The following NAALADL2 variants were observed in gnomAD, a reference collection of about 807,000 sequenced individuals.
The protein encoded by NAALADL2 is inactive N-acetylated-alpha-linked acidic dipeptidase-like protein 2.
A neutral mutation model predicts 87.2 loss-of-function variants in NAALADL2; 76 were observed. The ratio of observed to expected loss-of-function variants is 0.87; its 90% CI spans 0.72 to 1.05. The LOEUF (loss-of-function observed/expected upper bound fraction) is 1.05. Among genes scored for constraint, NAALADL2 ranks in the 50% least tolerant of loss-of-function variants. The pLI is 0.00. For missense variants in NAALADL2, 1,089 were observed against 945.8 expected (o/e 1.15, Z -1.99); for synonymous variants, 354 against 331.0 (o/e 1.07, Z -0.75).
At chr3:174,753,284 C>T (rs776123994) in intron 3 of NAALADL2, among the ~76,000 whole-genome samples, 1 of 152,198 alleles carries the variant, frequency 6.6e-6, no homozygotes, top group African/African-American at 2.4e-5. Context: ...CCCCATTGGC[C>T]TGGCTGGTCT....
intron 3 of NAALADL2, among the ~76,000 whole-genome samples, chr3:174,784,639 C>T (rs925663974): frequency 2.0e-5 from 3 of 152,136 alleles, no homozygotes; most frequent in African/African-American, 7.2e-5. Context: ...TTAGTAAATA[C>T]TGGAGGGTTC....
chr3:175,054,410 G>T (rs1038548212), intron 1 of NAALADL2, among the ~76,000 whole-genome samples: 1 of 152,160 alleles, frequency 6.6e-6, no homozygotes, highest in African/African-American at 2.4e-5. Flanking sequence ...GCAGGAGAAG[G>T]CAATCCTGGC....
In NAALADL2 at chr3:175,324,317, C is replaced by T. The variant is rs1294118433; in HGVS notation, c.1082C>T (p.Pro361Leu). 3 of 1,609,512 alleles carry T rather than the reference C, an allele frequency of 1.9e-6. No individual in the cohort carries two copies. The highest frequency in any genetic ancestry group is 2.5e-6 in the Non-Finnish European group (3 of 1,178,336). ...PGGDPSTPGY[P>L]SVDESFRQSR... Reference sequence around the variant, plus strand: ...GGAGACCCTTCTACGCCTGGTTACCCAAGTGTCGGTAAGTTTGTTGGTCAT... The same window carrying T: ...GGAGACCCTTCTACGCCTGGTTACCTAAGTGTCGGTAAGTTTGTTGGTCAT... Residue 361 changes from proline to leucine, a missense_variant, in exon 5 of 14, where the codon CCA becomes CTA. Transcript: ENST00000454872.
At chr3:175,746,500 G>C (rs1239477506) in intron 12 of NAALADL2, among the ~76,000 whole-genome samples, 1 of 151,910 alleles carries the variant, frequency 6.6e-6, no homozygotes. Flanking sequence ...TTCCAGCTCT[G>C]GCCTGGCCAG....
intron 1 of NAALADL2, among the ~76,000 whole-genome samples, chr3:174,861,719 ATGAT>A (rs570344402): frequency 6.6e-6 from 1 of 152,024 alleles, no homozygotes; most frequent in Non-Finnish European, 1.5e-5. Flanking sequence ...GATTCACTGA[ATGAT>A]CTCTAGTTAC....
intron 10 of NAALADL2, among the ~76,000 whole-genome samples, chr3:175,620,738 CTTCGTGCCTGCACATGTTGCCGCTCTT>C (rs957091050): frequency 2.0e-5 from 3 of 152,166 alleles, no homozygotes; most frequent in African/African-American, 4.8e-5. Flanking sequence ...TTGCCGCTCT[CTTCGTGCCTGCACATGTTGCCGCTCTT>C]TTCGTGCCTG....
intron 1 of NAALADL2, among the ~76,000 whole-genome samples, chr3:174,514,741 A>G (rs935806202): frequency 4.6e-5 from 7 of 152,022 alleles, no homozygotes; most frequent in African/African-American, 1.7e-4. Flanking sequence ...CTAATGTATG[A>G]TGTTTTATTA....
At chr3:174,897,490 G>T (rs1050444348) in intron 1 of NAALADL2, among the ~76,000 whole-genome samples, 14 of 151,992 alleles carry the variant, frequency 9.2e-5, no homozygotes, top group Middle Eastern at 3.4e-3. Flanking sequence ...CAGTTAAAAT[G>T]GATTATATCC....
chr3:175,078,321 AC>A (rs1717035553), intron 1 of NAALADL2, among the ~76,000 whole-genome samples: 1 of 152,108 alleles, frequency 6.6e-6, no homozygotes, highest in South Asian at 2.1e-4. Flanking sequence ...GCCACTGCAC[AC>A]AGCCAAATGA....
intron 2 of NAALADL2, among the ~76,000 whole-genome samples, chr3:175,138,380 G>C (rs895418038): frequency 6.6e-6 from 1 of 152,034 alleles, no homozygotes; most frequent in East Asian, 1.9e-4. Flanking sequence ...GTATGCTGAC[G>C]TTCACGTTTT....
chr3:174,570,354 T>G (rs1461708752), intron 2 of NAALADL2, among the ~76,000 whole-genome samples: 1 of 152,164 alleles, frequency 6.6e-6, no homozygotes, highest in East Asian at 1.9e-4. Context: ...TTTGTATAGC[T>G]ACCTGAAATA....
chr3:175,094,862 C>A (rs1208371007), intron 1 of NAALADL2, among the ~76,000 whole-genome samples: 2 of 151,362 alleles, frequency 1.3e-5, no homozygotes, highest in Admixed American at 1.3e-4. Context: ...CCCTACCAAT[C>A]CTTGAAAGTT....
intron 2 of NAALADL2, among the ~76,000 whole-genome samples, chr3:175,182,973 T>C (rs953142262): frequency 2.0e-5 from 3 of 152,036 alleles, no homozygotes; most frequent in East Asian, 1.9e-4. Flanking sequence ...AGTGAGGTAG[T>C]GTAATGCCTC....
intron 11 of NAALADL2, among the ~76,000 whole-genome samples, chr3:175,632,063 A>C (rs925936954): frequency 6.6e-6 from 1 of 152,130 alleles, no homozygotes; most frequent in South Asian, 2.1e-4. Flanking sequence ...ATGGGAGGAA[A>C]GAAGATGGAG....
chr3:175,717,047 C>A (rs75057750), intron 11 of NAALADL2, among the ~76,000 whole-genome samples: 1 of 152,146 alleles, frequency 6.6e-6, no homozygotes, highest in African/African-American at 2.4e-5. Context: ...TGGCTTTAGG[C>A]TCTAAGTTCA....
intron 2 of NAALADL2, among the ~76,000 whole-genome samples, chr3:175,169,670 CGTGATGCATCCCTTGTCATTTTCT>C (rs1296655754): frequency 2.0e-5 from 3 of 151,324 alleles, no homozygotes; most frequent in Non-Finnish European, 4.4e-5. Flanking sequence ...GCATCCTGTC[CGTGATGCATCCCTTGTCATTTTCT>C]GTACTGCCAG....
chr3:174,887,911 TAGAC>T (rs1413353757), intron 1 of NAALADL2, among the ~76,000 whole-genome samples: 3 of 151,696 alleles, frequency 2.0e-5, no homozygotes, highest in African/African-American at 7.3e-5. Flanking sequence ...AAAAGTAAGA[TAGAC>T]AATAAATAAA....
chr3:174,735,732 T>A (rs1282936009), intron 2 of NAALADL2, among the ~76,000 whole-genome samples: 2 of 152,114 alleles, frequency 1.3e-5, no homozygotes, highest in Admixed American at 6.6e-5. Flanking sequence ...GCTAATTTTT[T>A]ATTTTTATTT....
rs199919300 is a variant in NAALADL2, at chr3:175,097,101, C to T, written c.355C>T (p.Arg119Cys). Residue 119 changes from arginine (R) to cysteine (C), a missense_variant, in exon 2 of 14, where the codon CGC (arginine) becomes TGC (cysteine). Coordinates refer to ENST00000454872, the MANE Select transcript of NAALADL2 (RefSeq NM_207015.3). ...HYTRSAPKSN[R>C]CNFCHVLKIL... ...TACACGATCTGCACCAAAGAGCAAT[C>T]GCTGCAACTTTTGCCACGTCTTAAA... The T allele has an allele frequency of 9.5e-5, 153 of 1,613,450 alleles. No homozygotes were observed. Among genetic ancestry groups the T allele is most frequent in the Non-Finnish European group, 1.3e-4 (149 of 1,179,550 alleles).
Sources: allele counts gnomAD v4.1 joint callset (sites outside exome capture counted in the v4.1 genomes callset), GRCh38; gene constraint gnomAD v4.1.1; transcripts MANE v1.5; gene names NCBI Gene and HGNC (gene_info 2026-07-23, HGNC 2026-07-21).